Variants in LUZP2 observed in about 807,000 individuals in gnomAD.
LUZP2 encodes the protein leucine zipper protein 2.
In LUZP2, 52 loss-of-function variants were observed where a neutral mutation model predicts 51.6. The observed-to-expected ratio is 1.01, with a 90% CI of 0.81 to 1.27. The LOEUF (loss-of-function observed/expected upper bound fraction) is 1.27. Among genes scored for constraint, LUZP2 ranks in the 50% most tolerant of loss-of-function variants. The pLI, the probability that LUZP2 is intolerant of heterozygous loss-of-function variation, is 0.00. For synonymous variants in LUZP2, 154 were observed against 137.3 expected, an observed-to-expected ratio of 1.12 and a Z score of -0.85; for missense variants, 436 against 395.4, an observed-to-expected ratio of 1.10 and a Z score of -0.87.
chr11:25,064,383 A>G (rs1003591923), intron 10 of LUZP2, among the ~76,000 whole-genome samples: 1 of 152,016 alleles, frequency 6.6e-6, no homozygotes, highest in Non-Finnish European at 1.5e-5. Flanking sequence ...TGTGTGATTA[A>G]TTTCATTATC....
intron 5 of LUZP2, among the ~76,000 whole-genome samples, chr11:24,827,091 GT>G (rs1645942277): frequency 8.5e-5 from 1 of 11,716 alleles, no homozygotes; most frequent in Non-Finnish European, 4.1e-4. Flanking sequence ...GAAATACATA[GT>G]GTGGGTTTTG....
intron 1 of LUZP2, among the ~76,000 whole-genome samples, chr11:24,639,433 C>T (rs1855208435): frequency 6.6e-6 from 1 of 151,400 alleles, no homozygotes; most frequent in South Asian, 2.1e-4. Flanking sequence ...TTACCCTTTA[C>T]TTGTCTGTTC....
chr11:24,950,626 T>C (rs11821286), intron 7 of LUZP2, among the ~76,000 whole-genome samples: 2 of 151,662 alleles, frequency 1.3e-5, no homozygotes, highest in Admixed American at 6.6e-5. Flanking sequence ...ATACAGCTAA[T>C]GAATTGCATT....
At chr11:24,808,479 A>G (rs963826106) in intron 5 of LUZP2, among the ~76,000 whole-genome samples, 9 of 152,184 alleles carry the variant, frequency 5.9e-5, no homozygotes, top group Non-Finnish European at 1.0e-4. Flanking sequence ...TGTAGAATTG[A>G]AGAAACAGTT....
chr11:24,700,961 A>C (rs72882454), intron 1 of LUZP2, among the ~76,000 whole-genome samples: 28,104 of 152,156 alleles, frequency 0.18, 2,776 homozygotes, highest in East Asian at 0.37. Flanking sequence ...GAGTAAAGCA[A>C]GAGTTAGGTT....
chr11:24,771,008 C>G (rs1050537744), intron 5 of LUZP2, among the ~76,000 whole-genome samples: 2 of 152,168 alleles, frequency 1.3e-5, no homozygotes, highest in African/African-American at 4.8e-5. Context: ...AGCCTATTTT[C>G]TCAAGTAACA....
chr11:24,713,022 T>A (rs1329593869), intron 1 of LUZP2, among the ~76,000 whole-genome samples: 2 of 152,150 alleles, frequency 1.3e-5, no homozygotes, highest in Non-Finnish European at 2.9e-5. Context: ...TTTCTAGACA[T>A]CTTTAGTGAG....
intron 1 of LUZP2, among the ~76,000 whole-genome samples, chr11:24,560,298 T>C (rs933798817): frequency 6.6e-6 from 1 of 152,164 alleles, no homozygotes; most frequent in Non-Finnish European, 1.5e-5. Flanking sequence ...TCCAATAAAA[T>C]AAGCAAAATT....
At chr11:24,581,579 G>C (rs953656758) in intron 1 of LUZP2, among the ~76,000 whole-genome samples, 3 of 151,926 alleles carry the variant, frequency 2.0e-5, no homozygotes, top group African/African-American at 7.3e-5. Context: ...GCTCAGGTGG[G>C]AGGATCGCTT....
At chr11:24,561,834 A>AATAATAATAATAATAATAATG (rs2133773682) in intron 1 of LUZP2, among the ~76,000 whole-genome samples, 1 of 151,926 alleles carries the variant, frequency 6.6e-6, no homozygotes, top group African/African-American at 2.4e-5. Flanking sequence ...TAATAATGAT[A>AATAATAATAATAATAATAATG]ATAATAAAGA....
At chr11:24,498,197 A>G (rs954039952) in intron 1 of LUZP2, among the ~76,000 whole-genome samples, 1 of 152,174 alleles carries the variant, frequency 6.6e-6, no homozygotes, top group Admixed American at 6.5e-5. Flanking sequence ...TCATATTGGC[A>G]GCAACCTCTT....
At chr11:25,016,420 C>T (rs1307781950) in intron 9 of LUZP2, among the ~76,000 whole-genome samples, 1 of 151,854 alleles carries the variant, frequency 6.6e-6, no homozygotes, top group African/African-American at 2.4e-5. Flanking sequence ...TTTTCCATTC[C>T]TGGGTTACTT....
chr11:24,829,373 G>A (rs1850632235), intron 5 of LUZP2, among the ~76,000 whole-genome samples: 2 of 152,132 alleles, frequency 1.3e-5, no homozygotes, highest in Non-Finnish European at 2.9e-5. Flanking sequence ...CCCCCACAGT[G>A]CACACACACA....
Position 24,777,100 on chromosome 11 carries a change from T to G in LUZP2, c.396+13792T>G, listed in dbSNP as rs189737127. On this transcript the variant is annotated intron_variant, in intron 5 of 11. Coordinates refer to ENST00000336930, the MANE Select transcript of LUZP2 (RefSeq NM_001009909.4). ...AGCTCAGCCTCCCGGGTTCATGCCA[T>G]TCTCCTGCCTCAGCCTCCTGAGTAG... Among the ~76,000 whole-genome samples the G allele has an allele frequency of 1.8e-3, 267 of 151,386 alleles. 1 individual carries two copies. The highest frequency in any genetic ancestry group is 3.3e-3 in the Admixed American group (50 of 15,174).
intron 6 of LUZP2, among the ~76,000 whole-genome samples, chr11:24,912,765 G>A (rs1853676177): frequency 6.6e-6 from 1 of 152,050 alleles, no homozygotes; most frequent in Non-Finnish European, 1.5e-5. Context: ...AGCTGAGAAT[G>A]CGCCACTGCA....
intron 9 of LUZP2, among the ~76,000 whole-genome samples, chr11:25,043,624 A>G (rs1858150273): frequency 7.9e-6 from 1 of 125,986 alleles, no homozygotes; most frequent in Admixed American, 8.9e-5. Context: ...ATCTTCTAGT[A>G]ATTTATAATG....
chr11:25,077,159 G>A, intron 10 of LUZP2, among the ~76,000 whole-genome samples, 170 bp from the exon 11 acceptor site: 1 of 152,150 alleles, frequency 6.6e-6, no homozygotes, highest in East Asian at 1.9e-4. Flanking sequence ...CTCTCTCCTT[G>A]AAATCCCACT....
intron 7 of LUZP2, among the ~76,000 whole-genome samples, chr11:24,915,523 C>G (rs1441654028): frequency 6.6e-6 from 1 of 152,042 alleles, no homozygotes; most frequent in Non-Finnish European, 1.5e-5. Flanking sequence ...TGCATCCATG[C>G]AAAGGTAAAA....
chr11:24,652,731 A>C (rs948645817), intron 1 of LUZP2, among the ~76,000 whole-genome samples: 1 of 152,160 alleles, frequency 6.6e-6, no homozygotes, highest in Non-Finnish European at 1.5e-5. Context: ...GATGTCAACA[A>C]TACCTTCACA....
Sources: allele counts gnomAD v4.1 joint callset (sites outside exome capture counted in the v4.1 genomes callset), GRCh38; gene constraint gnomAD v4.1.1; transcripts MANE v1.5; gene names NCBI Gene and HGNC (gene_info 2026-07-23, HGNC 2026-07-21).